Variants in KIRREL3 observed in about 807,000 individuals in gnomAD.
The protein encoded by KIRREL3 is kin of IRRE-like protein 3.
Under a neutral mutation model 89.7 loss-of-function variants are expected in KIRREL3, and 36 were observed. The observed-to-expected ratio is 0.40, with a 90% confidence interval of 0.31 to 0.53. The LOEUF (loss-of-function observed/expected upper bound fraction) is 0.53, where lower values mean the gene tolerates loss of function less well. Ranked by LOEUF, KIRREL3 falls within the 20% of genes least tolerant of loss-of-function variation. The pLI is 0.49. For synonymous variants in KIRREL3, 445 were observed against 441.4 expected (o/e 1.01, Z -0.10); for missense variants, 864 against 1,056.6 (o/e 0.82, Z 2.53).
intron 2 of KIRREL3, among the ~76,000 whole-genome samples, chr11:126,539,579 A>G (rs959572168): frequency 6.6e-6 from 1 of 152,246 alleles, no homozygotes; most frequent in Admixed American, 6.5e-5. Context: ...ATTTGGGGGT[A>G]GAACTGATAG....
In KIRREL3 at chr11:126,568,175, AC is replaced by A. The variant is rs1049236940; in HGVS notation, c.56-5264del. Among the ~76,000 whole-genome samples, 25 of 152,076 alleles carry A rather than the reference AC, an allele frequency of 1.6e-4. 2 individuals carry two copies. The highest frequency in any genetic ancestry group is 4.4e-5 in the Non-Finnish European group (3 of 67,994). ...GATCCTGGAGTAGCCAATGAGCCTC[AC>A]CCAGGAGTCTGGGCTCTCTCTTAAA... On this transcript the variant is annotated intron_variant, in intron 1 of 16. Coordinates refer to ENST00000525144, the MANE Select transcript of KIRREL3 (RefSeq NM_032531.4). The surrounding 1 kb of genome is among the most constrained non-coding windows in gnomAD (Gnocchi z 4.6).
chr11:126,674,671 A>G (rs1946106307), intron 1 of KIRREL3, among the ~76,000 whole-genome samples: 2 of 152,310 alleles, frequency 1.3e-5, no homozygotes, highest in Admixed American at 6.5e-5. Flanking sequence ...TTTCATGGCA[A>G]GGGCATTTGG....
chr11:126,661,209 C>T (rs776972622), intron 1 of KIRREL3, among the ~76,000 whole-genome samples: 1 of 152,234 alleles, frequency 6.6e-6, no homozygotes, highest in Non-Finnish European at 1.5e-5. Flanking sequence ...ATGGCACAGA[C>T]ACTGTGTCTC....
intron 1 of KIRREL3, chr11:126,935,086 C>T (rs978262597): frequency 1.1e-4 from 16 of 149,006 alleles, no homozygotes; most frequent in Non-Finnish European, 4.4e-5. Flanking sequence ...AAGACACCAC[C>T]AAAGATATAC....
At chr11:126,617,225 T>C (rs1163709616) in intron 1 of KIRREL3, among the ~76,000 whole-genome samples, 1 of 152,230 alleles carries the variant, frequency 6.6e-6, no homozygotes, top group Non-Finnish European at 1.5e-5. Context: ...GGAAAGGTGA[T>C]GTCATCATGA....
chr11:126,433,558 G>C (rs896990766), intron 13 of KIRREL3, among the ~76,000 whole-genome samples: 16 of 152,186 alleles, frequency 1.1e-4, no homozygotes, highest in African/African-American at 3.9e-4. Context: ...ACAGGGAGGG[G>C]ACCAAGAGGA....
At position 126,485,263 on chromosome 11, in the gene KIRREL3, G is replaced by A. The variant is rs2134319998; in HGVS notation, c.434-11797C>T. ...TAGGATGATGGCATGTAGCTCAGAG[G>A]AAGGTGTGCTGGAGGCTGTTTCAGT... On this transcript the variant is annotated intron_variant, in intron 4 of 16. Coordinates refer to ENST00000525144, the MANE Select transcript of KIRREL3 (RefSeq NM_032531.4). The surrounding 1 kb of genome is among the most constrained non-coding windows in gnomAD (Gnocchi z 5.8). Among the ~76,000 whole-genome samples the A allele has an allele frequency of 6.6e-6, 1 of 152,358 alleles. No individual in the cohort carries two copies. The highest frequency in any genetic ancestry group is 2.1e-4 in the South Asian group (1 of 4,830).
At chr11:126,922,738 A>G (rs1470180641) in intron 1 of KIRREL3, among the ~76,000 whole-genome samples, 11 of 151,896 alleles carry the variant, frequency 7.2e-5, no homozygotes, top group Admixed American at 6.6e-4. Context: ...AACAACAACA[A>G]CAACAACCTC....
In KIRREL3 at chr11:126,526,582, C is replaced by T; in HGVS notation, c.239G>A (p.Trp80Ter). The T allele has an allele frequency of 6.2e-7, 1 of 1,612,880 alleles. No homozygotes were observed. The highest frequency in any genetic ancestry group is 8.5e-7 in the Non-Finnish European group (1 of 1,179,540). ...ACCCAGAGCCAAGCCGTCCTTGATC[C>T]ACAGAACGAAGCCATCGTATTCGGG... Reference protein sequence around the residue: ...AIPEYDGFVLWIKDGLALGVG... With the variant: ...AIPEYDGFVL The change falls in exon 3 of 17, where the codon TGG (tryptophan) becomes TAG (stop). Residue 80 changes from tryptophan (W) to a stop codon, truncating the protein, a stop_gained. Transcript: ENST00000525144. LOFTEE classifies it high-confidence loss of function. This position sits in a 1 kb window ranked among gnomAD's most constrained non-coding sequence, Gnocchi z 5.7.
In KIRREL3 at chr11:126,446,523, T is replaced by G. The variant is rs375744478; in HGVS notation, c.1125+236A>C. Among the ~76,000 whole-genome samples, 44 of 152,278 alleles carry G rather than the reference T, an allele frequency of 2.9e-4. 3 individuals carry two copies. The highest frequency in any genetic ancestry group is 2.1e-3 in the Admixed American group (32 of 15,290). ...CAGCACATTGGTGACCACCTACTTT[T>G]CTTGTAAGGTTTAGGACAGGGCAAG... is the stretch of plus-strand genomic sequence containing the variant. On this transcript the variant is annotated intron_variant, in intron 9 of 16. Transcript: ENST00000525144.
Position 126,683,339 on chromosome 11 carries a change from G to A in KIRREL3, c.56-120427C>T, listed in dbSNP as rs1946540182. ...TATTAGAACGTGTGGATAGTCTGATGGTTTGCAAGTAAGTGGGATCGACCG... is the reference window on the plus strand; with the variant it reads ...TATTAGAACGTGTGGATAGTCTGATAGTTTGCAAGTAAGTGGGATCGACCG... On this transcript the variant is annotated intron_variant, in intron 1 of 16. Coordinates refer to ENST00000525144, the MANE Select transcript of KIRREL3 (RefSeq NM_032531.4). This position sits in a 1 kb window ranked among gnomAD's most constrained non-coding sequence, Gnocchi z 5.2. 6.6e-6 allele frequency among the ~76,000 whole-genome samples: 1 copy of A among 152,134 alleles called. No individual in the cohort carries two copies. The highest frequency in any genetic ancestry group is 1.5e-5 in the Non-Finnish European group (1 of 68,018).
In KIRREL3 at chr11:126,473,419, G is replaced by A. The variant is rs755280030; in HGVS notation, c.481C>T (p.Arg161Cys). 1.5e-5 allele frequency: 24 copies of A among 1,582,400 alleles called. No individual in the cohort carries two copies. The East Asian group carries it at 1.6e-4, about 11-fold the overall frequency. The change falls in exon 5 of 17, where the codon CGT becomes TGT. Residue 161 changes from arginine (R) to cysteine (C), a missense_variant. Physicochemically the swap from Arg to Cys is radical, Grantham distance 180. Coordinates refer to ENST00000525144, the MANE Select transcript of KIRREL3 (RefSeq NM_032531.4). Reference protein sequence around the residue: ...VILGGPVISLRAGDPLNLTCH... With the variant: ...VILGGPVISLCAGDPLNLTCH... ...GTGAGGTTGAGAGGGTCCCCCGCAC[G>A]CAGGCTGATCACAGGGCCCCCCAGG...
intron 1 of KIRREL3, among the ~76,000 whole-genome samples, chr11:126,702,364 A>G (rs2134121036): frequency 6.6e-6 from 1 of 152,336 alleles, no homozygotes; most frequent in South Asian, 2.1e-4. Context: ...CTATGACATC[A>G]TGATGATTAT....
At position 126,905,407 on chromosome 11, in the gene KIRREL3, T is replaced by A. The variant is rs927073086; in HGVS notation, c.55+95048A>T. Among the ~76,000 whole-genome samples, 2 of 152,144 alleles carry A rather than the reference T, an allele frequency of 1.3e-5. No individual in the cohort carries two copies. Among genetic ancestry groups the A allele is most frequent in the Non-Finnish European group, 2.9e-5 (2 of 68,016 alleles). ...CTATCCTGGGGTAAAGAGCCCTAAATAATTGCAATGCATCAACTTGGCAGA... is the reference window on the plus strand; with the variant it reads ...CTATCCTGGGGTAAAGAGCCCTAAAAAATTGCAATGCATCAACTTGGCAGA... On this transcript the variant is annotated intron_variant, in intron 1 of 16. Coordinates refer to ENST00000525144, the MANE Select transcript of KIRREL3 (RefSeq NM_032531.4). This position sits in a 1 kb window ranked among gnomAD's most constrained non-coding sequence, Gnocchi z 5.0.
chr11:126,543,659 C>T (rs750829221), intron 2 of KIRREL3, among the ~76,000 whole-genome samples: 4 of 152,140 alleles, frequency 2.6e-5, no homozygotes, highest in African/African-American at 4.8e-5. Context: ...GATGGGAAGC[C>T]GATAGGACAG....
intron 1 of KIRREL3, among the ~76,000 whole-genome samples, chr11:126,753,656 G>A (rs751801971): frequency 1.3e-5 from 2 of 152,116 alleles, no homozygotes; most frequent in African/African-American, 2.4e-5. Flanking sequence ...AGGGAAGGGT[G>A]ACAAATGGAG....
At chr11:126,638,601 G>C (rs987710357) in intron 1 of KIRREL3, among the ~76,000 whole-genome samples, 4 of 152,236 alleles carry the variant, frequency 2.6e-5, no homozygotes, top group African/African-American at 9.6e-5. Context: ...GCGGGCTGGG[G>C]TGGGTAGCCC....
rs904481968 is a variant in KIRREL3, at chr11:126,685,898, G to A, written c.56-122986C>T. 2.6e-5 allele frequency among the ~76,000 whole-genome samples: 4 copies of A among 152,208 alleles called. No individual in the cohort carries two copies. The highest frequency in any genetic ancestry group is 6.5e-5 in the Admixed American group (1 of 15,280). ...TTTTCCCTCATGCTGGGCTCTTCAC[G>A]TGGCATCCTGTGCCTGCTCAATGCT... On this transcript the variant is annotated intron_variant, in intron 1 of 16. Coordinates refer to ENST00000525144, the MANE Select transcript of KIRREL3 (RefSeq NM_032531.4). The surrounding 1 kb of genome is among the most constrained non-coding windows in gnomAD (Gnocchi z 5.5).
chr11:126,715,074 C>T lies in KIRREL3; in HGVS notation c.56-152162G>A, dbSNP rs1947906452. On this transcript the variant is annotated intron_variant, in intron 1 of 16. Transcript: ENST00000525144. This position sits in a 1 kb window ranked among gnomAD's most constrained non-coding sequence, Gnocchi z 4.4. ...CTGCATGGCTGGGGACTCCATCCTC[C>T]TAATGATCAGGTTCTTGTGCAAGCC... 2.0e-5 allele frequency among the ~76,000 whole-genome samples: 3 copies of T among 152,200 alleles called. No homozygotes were observed. In the South Asian group the frequency reaches 6.2e-4, roughly 31 times the overall value.
Sources: allele counts gnomAD v4.1 joint callset (sites outside exome capture counted in the v4.1 genomes callset), GRCh38; gene constraint gnomAD v4.1.1; non-coding constraint Gnocchi (gnomAD v3.1); transcripts MANE v1.5; gene names NCBI Gene and HGNC (gene_info 2026-07-23, HGNC 2026-07-21).